TTC28: variants seen among roughly 807,000 people sequenced by gnomAD.
TTC28 encodes tetratricopeptide repeat domain 28, also known as tetratricopeptide repeat protein 28.
Under a neutral mutation model 198.0 loss-of-function variants are expected in TTC28, and 61 were observed. The observed-to-expected ratio is 0.31, with a 90% confidence interval of 0.25 to 0.38. The LOEUF (loss-of-function observed/expected upper bound fraction) is 0.38. Ranked by LOEUF, TTC28 falls within the 10% of genes least tolerant of loss-of-function variation. TTC28 has a pLI of 1.00. For missense variants in TTC28, 2,678 were observed against 3,164.0 expected, an observed-to-expected ratio of 0.85 and a Z score of 3.69; for synonymous variants, 1,171 against 1,297.8, an observed-to-expected ratio of 0.90 and a Z score of 2.10.
intron 5 of TTC28, among the ~76,000 whole-genome samples, chr22:28,236,732 C>T (rs1324190267): frequency 6.6e-6 from 1 of 152,176 alleles, no homozygotes; most frequent in African/African-American, 2.4e-5. Flanking sequence ...TATCTCAACA[C>T]TTTAAATTCC....
At chr22:28,271,857 C>A (rs1932100513) in intron 5 of TTC28, among the ~76,000 whole-genome samples, 1 of 152,204 alleles carries the variant, frequency 6.6e-6, no homozygotes, top group African/African-American at 2.4e-5. Context: ...CCCACCTCGG[C>A]CTCCCAAAGT....
At chr22:28,182,961 C>T (rs1241927336) in intron 5 of TTC28, among the ~76,000 whole-genome samples, 4 of 152,066 alleles carry the variant, frequency 2.6e-5, no homozygotes, top group Admixed American at 2.6e-4. Flanking sequence ...CTACTTTTCT[C>T]CTCAAGCAGC....
intron 2 of TTC28, among the ~76,000 whole-genome samples, chr22:28,616,744 G>T (rs777970239): frequency 3.3e-5 from 5 of 152,050 alleles, no homozygotes; most frequent in African/African-American, 9.7e-5. Flanking sequence ...CTACTTGGGA[G>T]TCTGAGGCAG....
rs552674652 is a variant in TTC28 at position 28,224,864 on chromosome 22, C to A, written c.934-61265G>T. Among the ~76,000 whole-genome samples the A allele has an allele frequency of 2.4e-4, 37 of 152,260 alleles. 1 individual carries two copies. Among genetic ancestry groups the A allele is most frequent in the Non-Finnish European group, 4.7e-4 (32 of 68,018 alleles). On this transcript the variant is annotated intron_variant, in intron 5 of 22. Transcript: ENST00000397906. ...TTTAAGAAGGTTTATTTGCTTAAAA[C>A]AACTGATTCTTGACCAGAATATGTT...
chr22:28,040,803 T>C (rs1939598732), intron 12 of TTC28, among the ~76,000 whole-genome samples: 2 of 152,198 alleles, frequency 1.3e-5, no homozygotes. Flanking sequence ...ATTGTCTCTG[T>C]TTGCAGATGA....
In TTC28 at chr22:27,999,291, C is replaced by G. The variant is rs752817400; in HGVS notation, c.4399-31G>C. The G allele has an allele frequency of 1.4e-5, 22 of 1,517,668 alleles. No individual in the cohort carries two copies. In the Admixed American group the frequency reaches 3.4e-4, roughly 24 times the overall value. 94.0% of individuals were successfully genotyped at this position (1,517,668 alleles called of 1,614,324 possible). A position where few individuals can be genotyped will look rare whatever the true frequency, so the allele number is the denominator to read the frequency against. ...AGGGGAGGGGACAAAGCAGACCACC[C>G]GTCAGACAGAACAGCCAGGCTGCCC... On this transcript the variant is annotated intron_variant, in intron 15 of 22. Transcript: ENST00000397906.
At chr22:28,090,007 T>C (rs903233240) in intron 12 of TTC28, among the ~76,000 whole-genome samples, 1 of 151,812 alleles carries the variant, frequency 6.6e-6, no homozygotes, top group African/African-American at 2.4e-5. Context: ...GAGATATACC[T>C]AATGCTAAAT....
intron 6 of TTC28, among the ~76,000 whole-genome samples, chr22:28,146,806 TA>T (rs1171165290): frequency 1.3e-5 from 2 of 152,126 alleles, no homozygotes; most frequent in Non-Finnish European, 2.9e-5. Context: ...ACAAATCCAT[TA>T]CTTTTTTTTT....
At chr22:28,275,637 C>T (rs1932371426) in intron 5 of TTC28, among the ~76,000 whole-genome samples, 1 of 151,828 alleles carries the variant, frequency 6.6e-6, no homozygotes, top group African/African-American at 2.4e-5. Flanking sequence ...AAAAAACATA[C>T]TCCAGCTGCT....
chr22:28,321,166 T>G (rs192141725), intron 2 of TTC28, among the ~76,000 whole-genome samples: 267 of 152,294 alleles, frequency 1.8e-3, no homozygotes, highest in Non-Finnish European at 3.3e-3. Flanking sequence ...TGGCTTCTTT[T>G]GTTTCTCTTT....
chr22:28,337,831 C>T (rs932309663), intron 2 of TTC28, among the ~76,000 whole-genome samples: 11 of 152,106 alleles, frequency 7.2e-5, no homozygotes, highest in African/African-American at 2.2e-4. Context: ...GAGCATTTAG[C>T]CCATTTACAT....
chr22:28,626,995 C>T (rs1438234661), intron 2 of TTC28, among the ~76,000 whole-genome samples: 3 of 151,790 alleles, frequency 2.0e-5, no homozygotes, highest in Non-Finnish European at 2.9e-5. Flanking sequence ...AGTTTAAAGG[C>T]GTTCACAAAT....
rs1409389376 is a variant in TTC28 at position 28,296,242 on chromosome 22, G to A, written c.889C>T (p.His297Tyr). The change falls in exon 5 of 23, where the codon CAC becomes TAC. Residue 297 changes from histidine (H) to tyrosine (Y), a missense_variant. Around this residue, in one of 8 missense-constraint regions of TTC28, gnomAD observed 775 missense variants for 845.9 expected, o/e 0.92. Transcript: ENST00000397906. ...ATGGCGAGTACCAACTGATGCCTGT[G>A]GTTAGTGAGAGCCTCCCGGTAATTT... ...KGNYREALTN[H>Y]RHQLVLAMKL... 6.4e-7 allele frequency: 1 copy of A among 1,550,882 alleles called. No individual in the cohort carries two copies. Among genetic ancestry groups the A allele is most frequent in the East Asian group, 2.4e-5 (1 of 40,904 alleles).
At chr22:28,652,803 T>G (rs908585028) in intron 1 of TTC28, among the ~76,000 whole-genome samples, 15 of 152,188 alleles carry the variant, frequency 9.9e-5, no homozygotes, top group African/African-American at 3.6e-4. Flanking sequence ...GACACCAGGT[T>G]AAGCATCTCA....
rs914598415 is a variant in TTC28 at position 27,998,909 on chromosome 22, G to T, written c.4750C>A (p.Arg1584=). The change falls in exon 16 of 23, where the codon CGG becomes AGG. Residue 1584 remains arginine, a synonymous_variant. Transcript: ENST00000397906. ...GHPYTIPESL[R]VQDDASDGES... ...CCATCACTGGCATCGTCCTGCACCC[G>T]CAAGGACTCAGGGATCGTGTAGGGG... 2.5e-5 allele frequency: 39 copies of T among 1,550,456 alleles called. No individual in the cohort carries two copies. Among genetic ancestry groups the T allele is most frequent in the African/African-American group, 4.1e-5 (3 of 73,066 alleles).
At chr22:28,457,015 G>A (rs1281788840) in intron 2 of TTC28, among the ~76,000 whole-genome samples, 2 of 152,232 alleles carry the variant, frequency 1.3e-5, no homozygotes, top group Non-Finnish European at 2.9e-5. Flanking sequence ...TTATGGGCAT[G>A]TACTGATGCT....
chr22:28,018,849 C>T (rs969890836), intron 13 of TTC28, among the ~76,000 whole-genome samples: 1 of 152,206 alleles, frequency 6.6e-6, no homozygotes, highest in Non-Finnish European at 1.5e-5. Context: ...CAGGATACAG[C>T]CCCTCCCTGG....
chr22:28,013,833 G>A, intron 14 of TTC28, among the ~76,000 whole-genome samples: 1 of 152,126 alleles, frequency 6.6e-6, no homozygotes, highest in Non-Finnish European at 1.5e-5. Context: ...GGGCAGCCTC[G>A]TCCTCACACT....
intron 2 of TTC28, among the ~76,000 whole-genome samples, chr22:28,428,125 C>CAA (rs374249842): frequency 1.3e-3 from 128 of 99,920 alleles, no homozygotes; most frequent in Non-Finnish European, 1.7e-3. Flanking sequence ...TACCGTAAGA[C>CAA]AAAAAAAAAA....
Sources: gnomAD v4.1 joint callset for allele counts (sites outside exome capture counted in the v4.1 genomes callset) on GRCh38, gnomAD v4.1.1 for gene constraint, gnomAD v4.1.1 regional missense constraint, MANE v1.5 for transcripts, NCBI Gene and HGNC (gene_info 2026-07-23, HGNC 2026-07-21) for gene names.